Variants in ALPK1 observed in about 807,000 individuals in gnomAD.
ALPK1 encodes the protein alpha-protein kinase 1.
In ALPK1, 110 loss-of-function variants were observed where a neutral mutation model predicts 120.6. The observed-to-expected ratio is 0.91, with a 90% confidence interval of 0.78 to 1.07. The LOEUF is 1.07. Ranked by LOEUF, ALPK1 falls within the 50% of genes least tolerant of loss-of-function variation. ALPK1 has a pLI of 0.00. For synonymous variants in ALPK1, 582 were observed against 560.3 expected (o/e 1.04, Z -0.55); for missense variants, 1,498 against 1,483.9 (o/e 1.01, Z -0.16).
chr4:112,385,362 A>G (rs1732108066), intron 4 of ALPK1, among the ~76,000 whole-genome samples: 1 of 152,218 alleles, frequency 6.6e-6, no homozygotes, highest in Non-Finnish European at 1.5e-5. Flanking sequence ...ATAGAAGCAT[A>G]GAGAATTTAA....
intron 2 of ALPK1, among the ~76,000 whole-genome samples, chr4:112,355,819 A>C (rs1264791598): frequency 6.6e-6 from 1 of 152,224 alleles, no homozygotes; most frequent in Non-Finnish European, 1.5e-5. Flanking sequence ...GCGGAAGTGC[A>C]CCGCGCTCAA....
chr4:112,348,092 A>G (rs905507470), intron 2 of ALPK1, among the ~76,000 whole-genome samples: 1 of 152,232 alleles, frequency 6.6e-6, no homozygotes, highest in Non-Finnish European at 1.5e-5. Context: ...CCCCTAAGCC[A>G]GGTGATTGGC....
intron 1 of ALPK1, among the ~76,000 whole-genome samples, chr4:112,304,559 A>G (rs1321949493): frequency 6.6e-6 from 1 of 151,962 alleles, no homozygotes; most frequent in Non-Finnish European, 1.5e-5. Context: ...TTTTGAGAAG[A>G]GTCTGTTCAT....
At chr4:112,324,081 A>G (rs1384557493) in intron 2 of ALPK1, among the ~76,000 whole-genome samples, 1 of 152,174 alleles carries the variant, frequency 6.6e-6, no homozygotes, top group Non-Finnish European at 1.5e-5. Flanking sequence ...TAATCCCAGC[A>G]CTTTGGGAGG....
At chr4:112,397,004 T>A (rs1331335584) in intron 4 of ALPK1, among the ~76,000 whole-genome samples, 1 of 152,158 alleles carries the variant, frequency 6.6e-6, no homozygotes, top group East Asian at 1.9e-4. Context: ...CTCGAACTCC[T>A]GAGCTCAGAC....
intron 5 of ALPK1, among the ~76,000 whole-genome samples, chr4:112,418,683 C>T (rs1733854537): frequency 6.6e-6 from 1 of 152,126 alleles, no homozygotes; most frequent in Admixed American, 6.6e-5. Flanking sequence ...CAGATCCATC[C>T]CCATGATCAC....
chr4:112,316,897 C>T (rs562274193), intron 2 of ALPK1, among the ~76,000 whole-genome samples: 4 of 152,028 alleles, frequency 2.6e-5, no homozygotes, highest in Non-Finnish European at 2.9e-5. Context: ...CTCGCATTCC[C>T]AAAAGGAACC....
chr4:112,367,233 A>G (rs1330551988), intron 2 of ALPK1, among the ~76,000 whole-genome samples: 1 of 152,236 alleles, frequency 6.6e-6, no homozygotes, highest in African/African-American at 2.4e-5. Context: ...GTAGATTATG[A>G]AACAGTGTAT....
intron 2 of ALPK1, chr4:112,357,858 G>A: frequency 8.6e-7 from 1 of 1,163,770 alleles, no homozygotes; most frequent in Non-Finnish European, 1.3e-6. Context: ...ACTTGGCTAG[G>A]AAGATGGAGG....
At chr4:112,378,562 A>G (rs193027812) in intron 3 of ALPK1, among the ~76,000 whole-genome samples, 4 of 150,852 alleles carry the variant, frequency 2.7e-5, no homozygotes, top group East Asian at 1.9e-4. Flanking sequence ...TCTTTAACCA[A>G]TTTTTGAGAG....
intron 1 of ALPK1, among the ~76,000 whole-genome samples, chr4:112,306,590 GT>G (rs1269218571): frequency 6.7e-6 from 1 of 150,200 alleles, no homozygotes; most frequent in Non-Finnish European, 1.5e-5. Flanking sequence ...GGGATCGGTG[GT>G]GATATCCCCT....
intron 1 of ALPK1, among the ~76,000 whole-genome samples, chr4:112,308,483 T>C (rs1407843975): frequency 4.6e-5 from 7 of 152,138 alleles, no homozygotes; most frequent in Non-Finnish European, 1.0e-4. Flanking sequence ...CTCTTTTCAC[T>C]TCATTTCATT....
chr4:112,349,677 CCGAGTAG>C (rs1291374730), intron 2 of ALPK1, among the ~76,000 whole-genome samples: 5 of 151,906 alleles, frequency 3.3e-5, no homozygotes, highest in Middle Eastern at 3.4e-3. Context: ...CCTCAGTCTC[CCGAGTAG>C]CTGGGACTAC....
At chr4:112,404,847 T>C (rs1477814513) in intron 4 of ALPK1, among the ~76,000 whole-genome samples, 1 of 152,224 alleles carries the variant, frequency 6.6e-6, no homozygotes, top group Non-Finnish European at 1.5e-5. Context: ...AGCTTGCTTC[T>C]AAGCTATCAG....
intron 2 of ALPK1, among the ~76,000 whole-genome samples, chr4:112,368,967 A>G (rs1731276984): frequency 6.6e-6 from 1 of 152,184 alleles, no homozygotes; most frequent in Non-Finnish European, 1.5e-5. Flanking sequence ...AGTTTGGCAA[A>G]TACAATCAAG....
chr4:112,358,149 C>A, intron 2 of ALPK1: 1 of 615,626 alleles, frequency 1.6e-6, no homozygotes, highest in South Asian at 1.4e-5. Context: ...TCTGGGCAGG[C>A]GTCCAGGGCT....
intron 4 of ALPK1, among the ~76,000 whole-genome samples, chr4:112,411,538 T>TC (rs1269861692): frequency 3.9e-5 from 6 of 152,216 alleles, no homozygotes; most frequent in Non-Finnish European, 8.8e-5. Flanking sequence ...CTTTTTACCC[T>TC]ATGCGCTTTA....
Position 112,355,940 on chromosome 4 carries a change from G to A in ALPK1, c.-100-21738G>A, listed in dbSNP as rs549252288. The stretch of plus-strand genomic sequence containing the variant: ...GTCCTGAGGTCCCCCGGTTCTGGAA[G>A]GCTGGCCGGGGAGACAAGAGAGGAG... On this transcript the variant is annotated intron_variant, in intron 2 of 15. Transcript: ENST00000650871. Among the ~76,000 whole-genome samples the A allele has an allele frequency of 4.6e-5, 7 of 152,380 alleles. No homozygotes were observed. The South Asian group carries it at 1.4e-3, about 32-fold the overall frequency.
In ALPK1 at chr4:112,309,030, C is replaced by T. The variant is rs549825975; in HGVS notation, c.-152-6771C>T. On this transcript the variant is annotated intron_variant, in intron 1 of 15. Coordinates refer to ENST00000650871, the MANE Select transcript of ALPK1 (RefSeq NM_025144.4). Reference sequence around the variant, plus strand: ...GAGGACCACTCCAGACCCTGTTTGCCTGGGTAACAGCAGCAGAGGCTGCAG... The same window carrying T: ...GAGGACCACTCCAGACCCTGTTTGCTTGGGTAACAGCAGCAGAGGCTGCAG... Among the ~76,000 whole-genome samples the T allele has an allele frequency of 2.6e-5, 4 of 152,264 alleles. 1 individual carries two copies. Among genetic ancestry groups the T allele is most frequent in the African/African-American group, 9.6e-5 (4 of 41,498 alleles).
Sources: allele counts gnomAD v4.1 joint callset (sites outside exome capture counted in the v4.1 genomes callset), GRCh38; gene constraint gnomAD v4.1.1; transcripts MANE v1.5; gene names NCBI Gene and HGNC (gene_info 2026-07-23, HGNC 2026-07-21).